The following RORB variants were observed in gnomAD, a reference collection of about 807,000 sequenced individuals.
RORB encodes RAR related orphan receptor B.
Under a neutral mutation model 59.1 loss-of-function variants are expected in RORB, and 6 were observed. The ratio of observed to expected loss-of-function variants is 0.10; its 90% CI spans 0.06 to 0.20. The LOEUF is 0.20. Ranked by LOEUF, RORB falls within the 10% of genes least tolerant of loss-of-function variation. The pLI, the probability that RORB is intolerant of heterozygous loss-of-function variation, is 1.00. For synonymous variants in RORB, 215 were observed against 204.5 expected (o/e 1.05, Z -0.44); for missense variants, 320 against 560.5 (o/e 0.57, Z 4.33).
At chr9:74,672,272 A>G (rs1307762598) in intron 9 of RORB, among the ~76,000 whole-genome samples, 2 of 152,192 alleles carry the variant, frequency 1.3e-5, no homozygotes, top group Admixed American at 6.6e-5. Flanking sequence ...CAAAGTTAAA[A>G]GTAGGCAGAT....
chr9:74,656,924 C>CTTA (rs1331989438), intron 4 of RORB, among the ~76,000 whole-genome samples: 1 of 152,206 alleles, frequency 6.6e-6, no homozygotes, highest in African/African-American at 2.4e-5. Context: ...CCACCCTAGT[C>CTTA]TTATTTCTCC....
intron 1 of RORB, among the ~76,000 whole-genome samples, chr9:74,514,797 C>A (rs1290840394): frequency 4.0e-5 from 6 of 151,022 alleles, no homozygotes; most frequent in Non-Finnish European, 8.9e-5. Flanking sequence ...GCAGCTTGAC[C>A]ACAGTTACTA....
chr9:74,563,672 G>A (rs1356441475), intron 1 of RORB, among the ~76,000 whole-genome samples: 1 of 151,902 alleles, frequency 6.6e-6, no homozygotes, highest in Non-Finnish European at 1.5e-5. Flanking sequence ...TGTAATGAAG[G>A]GACTATCTAC....
intron 1 of RORB, among the ~76,000 whole-genome samples, chr9:74,605,404 C>T (rs1823133123): frequency 6.6e-6 from 1 of 152,122 alleles, no homozygotes. Context: ...CCAACAGGGG[C>T]CTTTTGGGGA....
chr9:74,612,280 G>A (rs1411813985), intron 1 of RORB, among the ~76,000 whole-genome samples: 1 of 152,112 alleles, frequency 6.6e-6, no homozygotes, highest in Non-Finnish European at 1.5e-5. Flanking sequence ...AGGCAGAGAA[G>A]TGAGGCATTT....
rs1180600054 is a variant in RORB at position 74,684,375 on chromosome 9, T to TGTG, written c.1225-1088_1225-1087insGTG. ...TTTGTTTAACTGTATTTTTCATCAA[T>TGTG]TTCAAGTGTGTCTTTAGTCAGCCAT... On this transcript the variant is annotated intron_variant, in intron 9 of 9. Coordinates refer to ENST00000376896, the MANE Select transcript of RORB (RefSeq NM_006914.4). 2.0e-5 allele frequency among the ~76,000 whole-genome samples: 3 copies of TGTG among 152,182 alleles called. No homozygotes were observed. In the East Asian group the frequency reaches 5.8e-4, roughly 29 times the overall value.
chr9:74,521,000 A>G (rs1021390645), intron 1 of RORB, among the ~76,000 whole-genome samples: 2 of 151,916 alleles, frequency 1.3e-5, no homozygotes, highest in African/African-American at 4.8e-5. Flanking sequence ...TTAGTTTATT[A>G]GGCAACCAGA....
At chr9:74,508,389 G>T (rs1325155809) in intron 1 of RORB, among the ~76,000 whole-genome samples, 3 of 151,834 alleles carry the variant, frequency 2.0e-5, no homozygotes, top group Non-Finnish European at 2.9e-5. Flanking sequence ...GTGTTCTTTT[G>T]CAATAAAATA....
intron 1 of RORB, among the ~76,000 whole-genome samples, chr9:74,600,464 T>C (rs962894298): frequency 2.0e-5 from 3 of 152,206 alleles, no homozygotes; most frequent in Non-Finnish European, 4.4e-5. Context: ...TTAATGAAGA[T>C]GTAGAAAACT....
At chr9:74,615,530 G>A in intron 1 of RORB, 1 of 420,974 alleles carries the variant, frequency 2.4e-6, no homozygotes, top group South Asian at 1.7e-5. Context: ...GTTAACGCAG[G>A]GGCAGTCTTC....
chr9:74,504,337 G>GAT (rs1825840079), intron 1 of RORB, among the ~76,000 whole-genome samples: 1 of 151,960 alleles, frequency 6.6e-6, no homozygotes, highest in South Asian at 2.1e-4. Context: ...ATTGTAAATA[G>GAT]ATTACAACTT....
At chr9:74,514,009 G>C (rs746165915) in intron 1 of RORB, among the ~76,000 whole-genome samples, 1 of 152,014 alleles carries the variant, frequency 6.6e-6, no homozygotes, top group Non-Finnish European at 1.5e-5. Flanking sequence ...TATCCTTATT[G>C]CTTAGAAACT....
chr9:74,662,393 C>T (rs1421621982), intron 5 of RORB, 81 bp from the exon 6 acceptor site: 1 of 1,397,664 alleles, frequency 7.2e-7, no homozygotes, highest in Non-Finnish European at 1.0e-6. Flanking sequence ...CAGATAAGCA[C>T]CAGTAAGGCA....
At chr9:74,633,783 C>T (rs949524696) in intron 2 of RORB, among the ~76,000 whole-genome samples, 15 of 152,190 alleles carry the variant, frequency 9.9e-5, no homozygotes, top group African/African-American at 3.6e-4. Flanking sequence ...TGCATGAAGA[C>T]ATCTTACACT....
At chr9:74,551,194 G>C (rs1379919128) in intron 1 of RORB, among the ~76,000 whole-genome samples, 1 of 152,150 alleles carries the variant, frequency 6.6e-6, no homozygotes, top group Non-Finnish European at 1.5e-5. Context: ...AAGACCATCA[G>C]TGGATTTCTG....
intron 9 of RORB, among the ~76,000 whole-genome samples, chr9:74,674,595 T>C (rs184680833): frequency 6.6e-6 from 1 of 152,286 alleles, no homozygotes; most frequent in African/African-American, 2.4e-5. Context: ...GCCTACTTCC[T>C]GAAATTAAAG....
chr9:74,609,226 T>G lies in RORB; in HGVS notation c.8-21056T>G, dbSNP rs185317059. 5.4e-3 allele frequency among the ~76,000 whole-genome samples: 821 copies of G among 152,320 alleles called. 10 individuals are homozygous for G. The highest frequency in any genetic ancestry group is 0.019 in the African/African-American group (783 of 41,578). ...CAAAATAGTAATTATTTTTCCTAAT[T>G]TACAAATGAGGAAACAAAGGTTCTG... On this transcript the variant is annotated intron_variant, in intron 1 of 9. Transcript: ENST00000376896.
At chr9:74,667,008 G>A (rs1433851007) in intron 7 of RORB, among the ~76,000 whole-genome samples, 4 of 152,154 alleles carry the variant, frequency 2.6e-5, no homozygotes, top group Non-Finnish European at 4.4e-5. Flanking sequence ...CAAGTCCATC[G>A]GGGCTGGCAA....
At chr9:74,510,378 A>G (rs1825920250) in intron 1 of RORB, among the ~76,000 whole-genome samples, 3 of 152,144 alleles carry the variant, frequency 2.0e-5, no homozygotes, top group Admixed American at 1.3e-4. Flanking sequence ...CATTTTAGAT[A>G]TAGTGGTATG....
Sources: gnomAD v4.1 joint callset for allele counts (sites outside exome capture counted in the v4.1 genomes callset) on GRCh38, gnomAD v4.1.1 for gene constraint, MANE v1.5 for transcripts, NCBI Gene and HGNC (gene_info 2026-07-23, HGNC 2026-07-21) for gene names.